Variants in SHISA6 observed in about 807,000 individuals in gnomAD.
SHISA6 encodes protein shisa-6.
A neutral mutation model predicts 47.9 loss-of-function variants in SHISA6; 22 were observed. The ratio of observed to expected loss-of-function variants is 0.46; its 90% CI spans 0.33 to 0.66. SHISA6 has a LOEUF of 0.66. SHISA6 is among the 30% of genes least tolerant of loss of function. The pLI is 0.02. For synonymous variants in SHISA6, 388 were observed against 337.8 expected (o/e 1.15, Z -1.63); for missense variants, 680 against 764.6 (o/e 0.89, Z 1.30).
chr17:11,527,025 C>T (rs2071693137), intron 3 of SHISA6, among the ~76,000 whole-genome samples: 1 of 151,258 alleles, frequency 6.6e-6, no homozygotes, highest in African/African-American at 2.4e-5. Context: ...TCCTGCCTAC[C>T]TGGACCAAGT....
chr17:11,481,336 ATGTGTG>A (rs3038693), intron 3 of SHISA6, among the ~76,000 whole-genome samples: 9,540 of 141,278 alleles, frequency 0.068, 422 homozygotes, highest in Admixed American at 0.11. Context: ...AAAAATATAT[ATGTGTG>A]TGTGTGTGTG....
chr17:11,384,017 CATACATACATAA>C (rs1437515683), intron 3 of SHISA6, among the ~76,000 whole-genome samples: 2 of 152,196 alleles, frequency 1.3e-5, no homozygotes, highest in Admixed American at 6.5e-5. Flanking sequence ...TACATACATA[CATACATACATAA>C]ATACATACAT....
At chr17:11,523,963 C>T (rs1292259899) in intron 3 of SHISA6, among the ~76,000 whole-genome samples, 4 of 150,744 alleles carry the variant, frequency 2.7e-5, no homozygotes, top group African/African-American at 4.9e-5. Context: ...CCGAGAAACA[C>T]GCCATTGCAC....
chr17:11,395,058 G>C (rs2142258996), intron 3 of SHISA6, among the ~76,000 whole-genome samples: 1 of 139,456 alleles, frequency 7.2e-6, no homozygotes, highest in South Asian at 2.3e-4. Context: ...CTGGAGTGCA[G>C]TGGCGCGATC....
At chr17:11,440,235 G>T (rs1277259331) in intron 3 of SHISA6, among the ~76,000 whole-genome samples, 2 of 152,128 alleles carry the variant, frequency 1.3e-5, no homozygotes, top group African/African-American at 4.8e-5. Context: ...ATAGAAGATT[G>T]GTAGGAATCA....
At chr17:11,370,634 G>A (rs945470379) in intron 2 of SHISA6, among the ~76,000 whole-genome samples, 13 of 152,118 alleles carry the variant, frequency 8.5e-5, no homozygotes, top group African/African-American at 3.1e-4. Context: ...TGCTCCTCAA[G>A]CTTCCGTATC....
intron 2 of SHISA6, among the ~76,000 whole-genome samples, chr17:11,356,563 G>A (rs1009259474): frequency 6.6e-6 from 1 of 152,148 alleles, no homozygotes; most frequent in Non-Finnish European, 1.5e-5. Flanking sequence ...CTCCTCCCTT[G>A]ACTGACAGCT....
rs1326549083 is a variant in SHISA6 at position 11,558,469 on chromosome 17, G to A, written c.*165G>A. ...AAAAAGCCATACCCCCGGGGACACA[G>A]CCCCGATGGCCTGGTCCAATACACT... is the stretch of plus-strand genomic sequence containing the variant. On this transcript the variant is annotated 3_prime_UTR_variant, in exon 6 of 6. Transcript: ENST00000441885. The A allele has an allele frequency of 2.8e-6, 2 of 709,700 alleles. No individual in the cohort carries two copies. Among genetic ancestry groups the A allele is most frequent in the African/African-American group, 3.6e-5 (2 of 55,896 alleles). 44.0% of individuals were successfully genotyped at this position (709,700 alleles called of 1,614,324 possible).
At chr17:11,502,405 TC>T (rs957110833) in intron 3 of SHISA6, among the ~76,000 whole-genome samples, 1 of 63,290 alleles carries the variant, frequency 1.6e-5, no homozygotes, top group African/African-American at 6.9e-5. Flanking sequence ...CGAGACTCCG[TC>T]TCAAAAAAAA....
chr17:11,305,754 C>T (rs369057243), intron 2 of SHISA6, among the ~76,000 whole-genome samples: 2 of 152,126 alleles, frequency 1.3e-5, no homozygotes, highest in African/African-American at 4.8e-5. Context: ...GTGGAGGAGA[C>T]AGGCCCACCC....
chr17:11,337,423 G>A (rs111901521), intron 2 of SHISA6, among the ~76,000 whole-genome samples: 1 of 152,122 alleles, frequency 6.6e-6, no homozygotes, highest in Admixed American at 6.5e-5. Flanking sequence ...GCACCTGCAC[G>A]AGGCTGGGCA....
intron 3 of SHISA6, among the ~76,000 whole-genome samples, chr17:11,537,511 A>G (rs1266587625): frequency 1.3e-5 from 2 of 152,086 alleles, no homozygotes; most frequent in Non-Finnish European, 2.9e-5. Context: ...TGGATTTGAG[A>G]TTAGGAAGGA....
At chr17:11,407,808 G>A (rs1914007889) in intron 3 of SHISA6, among the ~76,000 whole-genome samples, 2 of 152,138 alleles carry the variant, frequency 1.3e-5, no homozygotes, top group Admixed American at 1.3e-4. Context: ...CTCTGGGGAT[G>A]TGGTCCAACC....
At chr17:11,523,856 A>C (rs942280385) in intron 3 of SHISA6, among the ~76,000 whole-genome samples, 22 of 151,978 alleles carry the variant, frequency 1.4e-4, no homozygotes, top group Admixed American at 2.6e-4. Flanking sequence ...AAATACAAAA[A>C]TTAGCCGGGC....
At position 11,511,395 on chromosome 17, in the gene SHISA6, A is replaced by T. The variant is rs185110007; in HGVS notation, c.896-40501A>T. Among the ~76,000 whole-genome samples, 821 of 152,280 alleles carry T rather than the reference A, an allele frequency of 5.4e-3. 1 individual carries two copies. Among genetic ancestry groups the T allele is most frequent in the Non-Finnish European group, 8.5e-3 (576 of 68,008 alleles). On this transcript the variant is annotated intron_variant, in intron 3 of 5. Transcript: ENST00000441885. ...TGCAGCAAACCACCATGGCACATGT[A>T]TACCTGTGTAACAAGCCTGCACATT...
intron 1 of SHISA6, among the ~76,000 whole-genome samples, chr17:11,257,660 CAA>C (rs11436926): frequency 2.2e-5 from 3 of 136,674 alleles, no homozygotes; most frequent in African/African-American, 5.6e-5. Context: ...GATCCTGTCT[CAA>C]AAAAAAAAAA....
chr17:11,339,319 A>G (rs933684146), intron 2 of SHISA6, among the ~76,000 whole-genome samples: 2 of 152,192 alleles, frequency 1.3e-5, no homozygotes, highest in Admixed American at 1.3e-4. Flanking sequence ...CCCTGGTCAA[A>G]TTGTTTTCAT....
intron 3 of SHISA6, among the ~76,000 whole-genome samples, chr17:11,468,242 T>A (rs145236406): frequency 1.5e-3 from 231 of 152,016 alleles, no homozygotes; most frequent in African/African-American, 5.4e-3. Flanking sequence ...ACACTGCCCA[T>A]ATGAGCTTTA....
At chr17:11,486,266 C>T (rs1289340180) in intron 3 of SHISA6, among the ~76,000 whole-genome samples, 1 of 152,192 alleles carries the variant, frequency 6.6e-6, no homozygotes, top group Non-Finnish European at 1.5e-5. Flanking sequence ...TCCCAGCCTG[C>T]CCTGGAGCTT....
Sources: allele counts gnomAD v4.1 joint callset (sites outside exome capture counted in the v4.1 genomes callset), GRCh38; gene constraint gnomAD v4.1.1; transcripts MANE v1.5; gene names NCBI Gene and HGNC (gene_info 2026-07-23, HGNC 2026-07-21).